AAK1: variants seen among roughly 807,000 people sequenced by gnomAD.
The protein encoded by AAK1 is AP2-associated protein kinase 1.
A neutral mutation model predicts 116.0 loss-of-function variants in AAK1; 37 were observed. The ratio of observed to expected loss-of-function variants is 0.32; its 90% CI spans 0.25 to 0.42. The LOEUF (loss-of-function observed/expected upper bound fraction) is 0.42. AAK1 is among the 10% of genes least tolerant of loss of function. The probability of loss-of-function intolerance (pLI) is 1.00; values close to 1 mark genes in which losing one functional copy is unlikely to be tolerated. For missense variants in AAK1, 919 were observed against 1,170.6 expected, an observed-to-expected ratio of 0.79 and a Z score of 3.14; for synonymous variants, 458 against 439.9, an observed-to-expected ratio of 1.04 and a Z score of -0.51.
chr2:69,470,467 C>G lies in AAK1; in HGVS notation c.*5402G>C. On this transcript the variant is annotated 3_prime_UTR_variant, in exon 22 of 22. Transcript: ENST00000409085. ...ATATATTAGGTAGCTGCATTAAAAC[C>G]CACGACTGGGAAATGAGGGACCTCA... The G allele has an allele frequency of 5.1e-6, 5 of 985,352 alleles. No individual in the cohort carries two copies. The highest frequency in any genetic ancestry group is 6.0e-6 in the Non-Finnish European group (5 of 829,920). 61.0% of individuals were successfully genotyped at this position (985,352 alleles called of 1,614,324 possible).
chr2:69,622,294 C>T (rs1025701666), intron 2 of AAK1, among the ~76,000 whole-genome samples: 1 of 152,232 alleles, frequency 6.6e-6, no homozygotes, highest in East Asian at 1.9e-4. Flanking sequence ...ACCTGCAGCC[C>T]GCCATGCCTG....
Position 69,530,686 on chromosome 2 carries a change from C to T in AAK1, c.677G>A (p.Arg226Gln). The change falls in exon 7 of 22, where the codon CGA (arginine) becomes CAA (glutamine). Residue 226 changes from arginine to glutamine, a missense_variant. This residue lies in a region of AAK1 where 317 missense variants were observed against 490.4 expected (regional missense o/e 0.65). Transcript: ENST00000409085. Reference sequence around the variant, plus strand: ...GTACAGGTTGACCATTTCTGGTGCTCGATAGGACAGCGTTGTGTATCTACA... The same window carrying T: ...GTACAGGTTGACCATTTCTGGTGCTTGATAGGACAGCGTTGTGTATCTACA... ...EIKKYTTLSY[R>Q]APEMVNLYSG... 3 of 1,613,258 alleles carry T rather than the reference C, an allele frequency of 1.9e-6. No homozygotes were observed. The highest frequency in any genetic ancestry group is 8.5e-7 in the Non-Finnish European group (1 of 1,179,366).
At chr2:69,628,947 G>C (rs1233091457) in intron 2 of AAK1, among the ~76,000 whole-genome samples, 1 of 152,130 alleles carries the variant, frequency 6.6e-6, no homozygotes, top group South Asian at 2.1e-4. Context: ...CTCAACTACA[G>C]GTACCACCTC....
intron 3 of AAK1, among the ~76,000 whole-genome samples, chr2:69,553,211 T>C (rs1361739227): frequency 6.6e-6 from 1 of 151,912 alleles, no homozygotes; most frequent in African/African-American, 2.4e-5. Context: ...TTTCAGAACA[T>C]TAGAAACAAA....
At chr2:69,516,854 T>C (rs1361758883) in intron 12 of AAK1, 2 of 152,194 alleles carry the variant, frequency 1.3e-5, no homozygotes, top group Non-Finnish European at 2.9e-5. Context: ...GCTATGCTAG[T>C]TGGGTGTCTG....
intron 2 of AAK1, among the ~76,000 whole-genome samples, chr2:69,592,740 T>C (rs539349811): frequency 1.3e-5 from 2 of 152,220 alleles, no homozygotes; most frequent in African/African-American, 2.4e-5. Flanking sequence ...AGTTCTACCC[T>C]GAGATTCACA....
chr2:69,530,195 A>C, intron 7 of AAK1, 55 bp from the exon 8 acceptor site: 1 of 1,523,244 alleles, frequency 6.6e-7, no homozygotes, highest in Non-Finnish European at 8.8e-7. Context: ...ATGACTCTAA[A>C]TGGATCTAAT....
chr2:69,620,987 A>C (rs1033892571), intron 2 of AAK1, among the ~76,000 whole-genome samples: 4 of 152,270 alleles, frequency 2.6e-5, no homozygotes, highest in Non-Finnish European at 5.9e-5. Flanking sequence ...TTTAAAAAGC[A>C]TACCCTTTGC....
At chr2:69,585,932 T>C (rs1489607282) in intron 2 of AAK1, among the ~76,000 whole-genome samples, 1 of 152,102 alleles carries the variant, frequency 6.6e-6, no homozygotes, top group Non-Finnish European at 1.5e-5. Flanking sequence ...TATACAAAAA[T>C]TGGCCTAGCA....
In AAK1 at chr2:69,468,885, A is replaced by G. The variant is rs1674582497; in HGVS notation, c.*6984T>C. Reference sequence around the variant, plus strand: ...TTTTTGGTCGAGAACCCATTTGGAAAACCTTCCAACTCAGAGCATATTCTA... The same window carrying G: ...TTTTTGGTCGAGAACCCATTTGGAAGACCTTCCAACTCAGAGCATATTCTA... On this transcript the variant is annotated 3_prime_UTR_variant, in exon 22 of 22. Coordinates refer to ENST00000409085, the MANE Select transcript of AAK1 (RefSeq NM_014911.5). 1.0e-6 allele frequency: 1 copy of G among 985,426 alleles called. No homozygotes were observed. The highest frequency in any genetic ancestry group is 1.1e-4 in the East Asian group (1 of 8,822). The allele number at this position is 985,426 out of a possible 1,614,324, so 61.0% of individuals were successfully genotyped here.
intron 12 of AAK1, chr2:69,517,173 A>G (rs546786570): frequency 6.6e-6 from 1 of 152,394 alleles, no homozygotes; most frequent in South Asian, 2.1e-4. Flanking sequence ...GGATGACAAG[A>G]GGGAACAAAT....
chr2:69,558,253 A>G (rs1671474504), intron 2 of AAK1, among the ~76,000 whole-genome samples: 1 of 151,694 alleles, frequency 6.6e-6, no homozygotes, highest in Admixed American at 6.6e-5. Context: ...TGAGGTGGGA[A>G]GGATGGCTTG....
intron 19 of AAK1, among the ~76,000 whole-genome samples, chr2:69,479,421 G>A (rs1674998385): frequency 6.6e-6 from 1 of 152,078 alleles, no homozygotes; most frequent in African/African-American, 2.4e-5. Context: ...TTGCTCAGAG[G>A]TTGCTGGTTA....
chr2:69,486,130 AT>A (rs1453381378), intron 17 of AAK1, among the ~76,000 whole-genome samples: 2 of 151,076 alleles, frequency 1.3e-5, no homozygotes, highest in African/African-American at 4.9e-5. Context: ...AATATTTTTT[AT>A]TTTTCATTTT....
chr2:69,533,804 C>A (rs1670353594), intron 5 of AAK1, among the ~76,000 whole-genome samples: 1 of 152,146 alleles, frequency 6.6e-6, no homozygotes. Flanking sequence ...GAACTACAGC[C>A]ATCAACCTGC....
At chr2:69,480,742 C>T (rs1046587977) in intron 19 of AAK1, 118 bp downstream of exon 19, 19 of 743,304 alleles carry the variant, frequency 2.6e-5, no homozygotes, top group Non-Finnish European at 4.1e-5. Flanking sequence ...GTGTCCATTT[C>T]AGGAGGAACT....
intron 2 of AAK1, among the ~76,000 whole-genome samples, chr2:69,582,374 C>T (rs760063641): frequency 1.4e-5 from 2 of 145,878 alleles, no homozygotes; most frequent in African/African-American, 5.6e-5. Flanking sequence ...TCCGTGTGTG[C>T]GTGTGTGTGC....
chr2:69,534,116 T>C (rs960553625), intron 5 of AAK1, among the ~76,000 whole-genome samples: 2 of 152,216 alleles, frequency 1.3e-5, no homozygotes, highest in Non-Finnish European at 2.9e-5. Context: ...ACTACTGTAC[T>C]CAGCATTTTA....
chr2:69,480,842 C>G lies in AAK1; in HGVS notation c.2569+18G>C. On this transcript the variant is annotated intron_variant, in intron 19 of 21. Coordinates refer to ENST00000409085, the MANE Select transcript of AAK1 (RefSeq NM_014911.5). ...CCACACCGACCAGTCCCTGCAGCTGCAGAGACACCTGACTGACCTGTGCGA... is the reference window on the plus strand; with the variant it reads ...CCACACCGACCAGTCCCTGCAGCTGGAGAGACACCTGACTGACCTGTGCGA... 6.4e-7 allele frequency: 1 copy of G among 1,574,226 alleles called. No individual in the cohort carries two copies. The highest frequency in any genetic ancestry group is 8.6e-7 in the Non-Finnish European group (1 of 1,159,266).
Sources: allele counts gnomAD v4.1 joint callset (sites outside exome capture counted in the v4.1 genomes callset), GRCh38; gene constraint gnomAD v4.1.1; regional missense constraint gnomAD v4.1.1; transcripts MANE v1.5; gene names NCBI Gene and HGNC (gene_info 2026-07-23, HGNC 2026-07-21).